NELL2: variants seen among roughly 807,000 people sequenced by gnomAD.
The protein encoded by NELL2 is protein kinase C-binding protein NELL2.
In NELL2, 41 loss-of-function variants were observed where a neutral mutation model predicts 109.6. That is an observed-to-expected ratio of 0.37 (90% CI 0.29 to 0.49). The LOEUF (loss-of-function observed/expected upper bound fraction) is 0.49. Ranked by LOEUF, NELL2 falls within the 20% of genes least tolerant of loss-of-function variation. NELL2 has a pLI of 0.98. For synonymous variants in NELL2, 355 were observed against 344.7 expected, an observed-to-expected ratio of 1.03 and a Z score of -0.33; for missense variants, 900 against 1,008.3, an observed-to-expected ratio of 0.89 and a Z score of 1.45.
At chr12:44,555,957 C>T (rs1943236824) in intron 15 of NELL2, among the ~76,000 whole-genome samples, 1 of 152,142 alleles carries the variant, frequency 6.6e-6, no homozygotes, top group Non-Finnish European at 1.5e-5. Flanking sequence ...TACACATATA[C>T]CCAAGGTGCA....
intron 16 of NELL2, 167 bp from the exon 17 acceptor site, chr12:44,523,651 CT>C (rs1941639583): frequency 1.7e-6 from 1 of 604,130 alleles, no homozygotes; most frequent in African/African-American, 1.9e-5. Flanking sequence ...TGTTAATGAT[CT>C]GGGGATTTCA....
intron 13 of NELL2, among the ~76,000 whole-genome samples, chr12:44,659,154 A>C (rs1947636866): frequency 6.6e-6 from 1 of 152,212 alleles, no homozygotes; most frequent in Non-Finnish European, 1.5e-5. Flanking sequence ...CCATATGCAG[A>C]AAACTGAAAC....
At position 44,779,735 on chromosome 12, in the gene NELL2, C is replaced by CT; in HGVS notation, c.533dup (p.Pro179AlafsTer18). The CT allele has an allele frequency of 6.2e-7, 1 of 1,613,972 alleles. No individual in the cohort carries two copies. ...TGCCTAGAGGCAAGTCTGTGGAGGG[C>CT]TTTTCTACTACCCTTTCATAAATTC... On this transcript the variant is annotated frameshift_variant, in exon 5 of 20. Transcript: ENST00000429094. LOFTEE classifies it high-confidence loss of function.
At chr12:44,573,799 C>G (rs1046212571) in intron 15 of NELL2, among the ~76,000 whole-genome samples, 1 of 152,124 alleles carries the variant, frequency 6.6e-6, no homozygotes, top group African/African-American at 2.4e-5. Flanking sequence ...CAAGAGGAAA[C>G]ATTTAAGAAG....
intron 9 of NELL2, among the ~76,000 whole-genome samples, chr12:44,722,340 A>AT (rs1230825239): frequency 2.0e-5 from 3 of 151,966 alleles, no homozygotes; most frequent in Non-Finnish European, 4.4e-5. Flanking sequence ...TAATTTTTTA[A>AT]TTTTTTGTAG....
At chr12:44,824,748 T>C (rs1327741553) in intron 2 of NELL2, among the ~76,000 whole-genome samples, 1 of 150,126 alleles carries the variant, frequency 6.7e-6, no homozygotes, top group Non-Finnish European at 1.5e-5. Context: ...TCTCACTCTG[T>C]CGCCCAGGCA....
intron 3 of NELL2, among the ~76,000 whole-genome samples, chr12:44,791,254 G>A (rs545380137): frequency 1.0e-5 from 1 of 98,466 alleles, no homozygotes; most frequent in Non-Finnish European, 1.9e-5. Flanking sequence ...GCCATAAAAA[G>A]GAATGAATTA....
At chr12:44,653,095 C>T (rs1439946296) in intron 13 of NELL2, among the ~76,000 whole-genome samples, 4 of 152,154 alleles carry the variant, frequency 2.6e-5, no homozygotes, top group African/African-American at 9.7e-5. Flanking sequence ...ATATTATTCA[C>T]AGATCTGGGG....
intron 15 of NELL2, among the ~76,000 whole-genome samples, chr12:44,565,566 A>G (rs529694679): frequency 1.3e-5 from 2 of 152,312 alleles, no homozygotes; most frequent in Non-Finnish European, 2.9e-5. Flanking sequence ...GATTGAGGGA[A>G]GAGCAAGTGC....
At chr12:44,714,194 C>T (rs1375746327) in intron 10 of NELL2, among the ~76,000 whole-genome samples, 4 of 151,940 alleles carry the variant, frequency 2.6e-5, no homozygotes, top group Admixed American at 1.3e-4. Context: ...TAATTTAAAA[C>T]ACTCCTTCCA....
At chr12:44,522,437 T>A (rs1334006330) in intron 17 of NELL2, among the ~76,000 whole-genome samples, 1 of 152,138 alleles carries the variant, frequency 6.6e-6, no homozygotes, top group Non-Finnish European at 1.5e-5. Flanking sequence ...ATGACCAGCA[T>A]AAAATAACCA....
intron 13 of NELL2, among the ~76,000 whole-genome samples, chr12:44,616,810 C>A (rs1945837489): frequency 1.3e-5 from 2 of 152,106 alleles, no homozygotes; most frequent in Non-Finnish European, 2.9e-5. Flanking sequence ...AATCACACAG[C>A]CCACAGATCT....
chr12:44,834,176 A>G (rs939072943), intron 2 of NELL2, among the ~76,000 whole-genome samples: 2 of 152,142 alleles, frequency 1.3e-5, no homozygotes, highest in Non-Finnish European at 2.9e-5. Flanking sequence ...TATATTTCCT[A>G]TTTAAACACT....
At chr12:44,587,963 A>G (rs1218537478) in intron 15 of NELL2, among the ~76,000 whole-genome samples, 1 of 152,132 alleles carries the variant, frequency 6.6e-6, no homozygotes, top group South Asian at 2.1e-4. Flanking sequence ...CATCCTGGCT[A>G]ACATGGTGAA....
intron 13 of NELL2, among the ~76,000 whole-genome samples, chr12:44,628,845 T>C (rs1397686045): frequency 3.3e-5 from 5 of 152,220 alleles, no homozygotes; most frequent in Non-Finnish European, 5.9e-5. Flanking sequence ...ATTAGGTGAA[T>C]GTACCTTTCA....
At chr12:44,770,264 A>AT (rs1941495721) in intron 9 of NELL2, among the ~76,000 whole-genome samples, 1 of 152,218 alleles carries the variant, frequency 6.6e-6, no homozygotes, top group East Asian at 1.9e-4. Flanking sequence ...AAAAACAGTA[A>AT]TAACAGTTAA....
chr12:44,723,302 C>A (rs535010732), intron 9 of NELL2, among the ~76,000 whole-genome samples: 2 of 151,888 alleles, frequency 1.3e-5, no homozygotes, highest in African/African-American at 4.8e-5. Flanking sequence ...GCTAAGTTGA[C>A]AACTATTTTA....
chr12:44,841,725 G>T (rs771683634), intron 2 of NELL2, among the ~76,000 whole-genome samples: 1 of 152,046 alleles, frequency 6.6e-6, no homozygotes, highest in Non-Finnish European at 1.5e-5. Context: ...AACATCTCCT[G>T]GGCTATAAGC....
At chr12:44,679,091 T>C (rs796529863) in intron 12 of NELL2, among the ~76,000 whole-genome samples, 5 of 152,204 alleles carry the variant, frequency 3.3e-5, no homozygotes, top group African/African-American at 1.2e-4. Flanking sequence ...GAAGATATAA[T>C]AGATGAAGCA....
Sources: allele counts gnomAD v4.1 joint callset (sites outside exome capture counted in the v4.1 genomes callset), GRCh38; gene constraint gnomAD v4.1.1; transcripts MANE v1.5; gene names NCBI Gene and HGNC (gene_info 2026-07-23, HGNC 2026-07-21).